ZNF518B: variants seen among roughly 807,000 people sequenced by gnomAD.
ZNF518B encodes the protein zinc finger protein 518B.
ZNF518B carries 23 observed loss-of-function variants against 56.3 expected under a neutral mutation model. The observed-to-expected ratio is 0.41, with a 90% CI of 0.29 to 0.58. ZNF518B has a LOEUF of 0.58. Ranked by LOEUF, ZNF518B falls within the 20% of genes least tolerant of loss-of-function variation. The pLI, the probability that ZNF518B is intolerant of heterozygous loss-of-function variation, is 0.32. For missense variants in ZNF518B, 1,460 were observed against 1,272.1 expected (o/e 1.15, Z -2.25); for synonymous variants, 529 against 465.9 (o/e 1.14, Z -1.74).
chr4:10,444,700 CT>C lies in ZNF518B; in HGVS notation c.1628del (p.Lys543ArgfsTer6), dbSNP rs1169508924. ...CATTTTCACTTACAGGCAATAAGCC[CT>C]TTTCTCCAGAGAAGGAACAGGTTGC... ...SPATCSFSGE[K>X]GLLPVSENDL... On this transcript the variant is annotated frameshift_variant, in exon 3 of 3. Coordinates refer to ENST00000326756, the MANE Select transcript of ZNF518B (RefSeq NM_053042.3). LOFTEE classifies it high-confidence loss of function. 6.2e-7 allele frequency: 1 copy of C among 1,614,008 alleles called. No homozygotes were observed. Among genetic ancestry groups the C allele is most frequent in the Non-Finnish European group, 8.5e-7 (1 of 1,180,016 alleles).
At chr4:10,461,351 C>T (rs1422263059), upstream of ZNF518B, among the ~76,000 whole-genome samples, 1 of 152,208 alleles carries the variant, frequency 6.6e-6, no homozygotes, top group Non-Finnish European at 1.5e-5. Flanking sequence ...CGCGGAAGCG[C>T]GCAGTGAGGC....
At chr4:10,459,721 T>C (rs1157135776), upstream of ZNF518B, among the ~76,000 whole-genome samples, 1 of 151,956 alleles carries the variant, frequency 6.6e-6, no homozygotes, top group African/African-American at 2.4e-5. Context: ...GAGGCCGAGA[T>C]TGGAGTACAC....
rs1034429606 is a variant in ZNF518B at position 10,440,661 on chromosome 4, TA to T, written c.*2442del. The T allele has an allele frequency of 3.5e-4, 53 of 152,390 alleles. No individual in the cohort carries two copies. Among genetic ancestry groups the T allele is most frequent in the African/African-American group, 1.3e-3 (52 of 41,578 alleles). The allele number at this position is 152,390 out of a possible 1,614,324, so 9.4% of individuals were successfully genotyped here. A position where few individuals can be genotyped will look rare whatever the true frequency, so the allele number is the denominator to read the frequency against. On this transcript the variant is annotated 3_prime_UTR_variant, in exon 3 of 3. Coordinates refer to ENST00000326756, the MANE Select transcript of ZNF518B (RefSeq NM_053042.3). The stretch of plus-strand genomic sequence containing the variant: ...TTCTGAAAATCCTAAAAAGCTTTGC[TA>T]CATATTCTACTCACACAATTAAGCT...
intron 2 of ZNF518B, among the ~76,000 whole-genome samples, chr4:10,447,798 C>T (rs1577224006): frequency 6.6e-6 from 1 of 152,048 alleles, no homozygotes; most frequent in East Asian, 1.9e-4. Flanking sequence ...TACAGGTTTG[C>T]ACCACCATGC....
At chr4:10,459,595 T>G (rs978519298), upstream of ZNF518B, among the ~76,000 whole-genome samples, 3 of 152,108 alleles carry the variant, frequency 2.0e-5, no homozygotes, top group Non-Finnish European at 2.9e-5. Context: ...TGGGCCCTTA[T>G]CCAATGTGAA....
rs1250593057 is a variant in ZNF518B, at chr4:10,443,024, T to G, written c.*80A>C. On this transcript the variant is annotated 3_prime_UTR_variant, in exon 3 of 3. Transcript: ENST00000326756. ...GTCCTCTCATTTCTACAGTCTGTAT[T>G]TCTTCTACTGAATCTTGGTGGAGGG... 5.5e-6 allele frequency: 7 copies of G among 1,266,304 alleles called. No homozygotes were observed. Among genetic ancestry groups the G allele is most frequent in the Non-Finnish European group, 7.6e-6 (7 of 916,988 alleles). The allele number at this position is 1,266,304 out of a possible 1,614,324, so 78.4% of individuals were successfully genotyped here.
intron 2 of ZNF518B, among the ~76,000 whole-genome samples, chr4:10,448,536 A>G (rs1453060309): frequency 6.6e-6 from 1 of 152,086 alleles, no homozygotes. Flanking sequence ...TTTGCGAAAG[A>G]TAGTCACCTT....
upstream of ZNF518B, among the ~76,000 whole-genome samples, chr4:10,458,147 C>A (rs1234437778): frequency 6.6e-6 from 1 of 152,000 alleles, no homozygotes; most frequent in Non-Finnish European, 1.5e-5. Flanking sequence ...ATCTACGGTC[C>A]GGAAGGAAGA....
chr4:10,456,213 T>C (rs1201829509), intron 1 of ZNF518B, among the ~76,000 whole-genome samples: 1 of 152,172 alleles, frequency 6.6e-6, no homozygotes, highest in Non-Finnish European at 1.5e-5. Flanking sequence ...TAATGTTACG[T>C]TGATAAATCG....
At chr4:10,447,287 C>T (rs1289721356) in intron 2 of ZNF518B, among the ~76,000 whole-genome samples, 1 of 152,096 alleles carries the variant, frequency 6.6e-6, no homozygotes, top group East Asian at 1.9e-4. Flanking sequence ...GGGAAGACCA[C>T]GGTGATGAGG....
At chr4:10,452,307 GCGATCA>G (rs1210928727) in intron 2 of ZNF518B, 1 of 151,976 alleles carries the variant, frequency 6.6e-6, no homozygotes, top group Non-Finnish European at 1.5e-5. Flanking sequence ...AACTTAAAGG[GCGATCA>G]GGAGATGCAA....
At chr4:10,451,209 G>A (rs1020483957) in intron 2 of ZNF518B, 2 of 152,102 alleles carry the variant, frequency 1.3e-5, no homozygotes, top group Non-Finnish European at 2.9e-5. Context: ...TCGAGTTTGG[G>A]AGAATCCACA....
upstream of ZNF518B, among the ~76,000 whole-genome samples, chr4:10,458,864 A>G (rs1715652384): frequency 6.6e-6 from 1 of 152,108 alleles, no homozygotes; most frequent in South Asian, 2.1e-4. Flanking sequence ...TATTAATTCT[A>G]AGTATTGGAG....
At position 10,441,572 on chromosome 4, in the gene ZNF518B, G is replaced by A. The variant is rs1436077446; in HGVS notation, c.*1532C>T. 6.6e-6 allele frequency: 1 copy of A among 152,634 alleles called. No homozygotes were observed. The highest frequency in any genetic ancestry group is 1.5e-5 in the Non-Finnish European group (1 of 68,050). The allele number at this position is 152,634 out of a possible 1,614,324, so 9.5% of individuals were successfully genotyped here. On this transcript the variant is annotated 3_prime_UTR_variant, in exon 3 of 3. Coordinates refer to ENST00000326756, the MANE Select transcript of ZNF518B (RefSeq NM_053042.3). ...ATCGCCTAAGACAGGAATAGCCCCTGGAGGGAGGGAAATGCAAGTTGGGGC... is the reference window on the plus strand; with the variant it reads ...ATCGCCTAAGACAGGAATAGCCCCTAGAGGGAGGGAAATGCAAGTTGGGGC...
Position 10,446,123 on chromosome 4 carries a change from A to C in ZNF518B, c.206T>G (p.Ile69Ser), listed in dbSNP as rs1427043275. 2 of 1,614,050 alleles carry C rather than the reference A, an allele frequency of 1.2e-6. No homozygotes were observed. Among genetic ancestry groups the C allele is most frequent in the Admixed American group, 3.3e-5 (2 of 59,992 alleles). The stretch of plus-strand genomic sequence containing the variant: ...ACCCTTCTGCAAATCTTGAAGAGAG[A>C]TCTTGTGAACACTTTTGCACTTTGC... ...TCAKCKSVHK[I>S]SLQDLQKGTG... is the part of the protein sequence containing the mutation. The change falls in exon 3 of 3, where the codon ATC becomes AGC. Residue 69 changes from isoleucine (I) to serine (S), a missense_variant. Physicochemically the swap from Ile to Ser is moderately radical, Grantham distance 142. Transcript: ENST00000326756.
In ZNF518B at chr4:10,444,884, T is replaced by C. The variant is rs769884855; in HGVS notation, c.1445A>G (p.Lys482Arg). 2 of 1,613,224 alleles carry C rather than the reference T, an allele frequency of 1.2e-6. No homozygotes were observed. Among genetic ancestry groups the C allele is most frequent in the East Asian group, 2.2e-5 (1 of 44,868 alleles). ...HRTAFPSVAL[K>R]GHSLASVFKN... is the part of the protein sequence containing the mutation. ...AAATACAGATGCTAGAGAATGACCTTTTAAGGCAACGGAAGGAAAAGCAGT... is the reference window on the plus strand; with the variant it reads ...AAATACAGATGCTAGAGAATGACCTCTTAAGGCAACGGAAGGAAAAGCAGT... The change falls in exon 3 of 3, where the codon AAA becomes AGA. Residue 482 changes from lysine (K) to arginine (R), a missense_variant. Transcript: ENST00000326756.
rs780706510 is a variant in ZNF518B at position 10,443,201 on chromosome 4, C to A, written c.3128G>T (p.Arg1043Leu). Residue 1043 changes from arginine to leucine, a missense_variant, in exon 3 of 3, where the codon CGA becomes CTA. Physicochemically the swap from Arg to Leu is moderately radical, Grantham distance 102. Transcript: ENST00000326756. Reference sequence around the variant, plus strand: ...CCACTCTTCCTGGTCTTCATACAGTCGCCCACAAAACCAGCACTTAAATAC... The same window carrying A: ...CCACTCTTCCTGGTCTTCATACAGTAGCCCACAAAACCAGCACTTAAATAC... ...QCVFKCWFCG[R>L]LYEDQEEWMS... The A allele has an allele frequency of 3.7e-6, 6 of 1,614,072 alleles. No homozygotes were observed. Among genetic ancestry groups the A allele is most frequent in the Non-Finnish European group, 5.1e-6 (6 of 1,180,044 alleles).
Position 10,443,677 on chromosome 4 carries a change from A to G in ZNF518B, c.2652T>C (p.Leu884=). The change falls in exon 3 of 3, where the codon CTT becomes CTC. Residue 884 remains leucine (L), a synonymous_variant. Coordinates refer to ENST00000326756, the MANE Select transcript of ZNF518B (RefSeq NM_053042.3). ...GTTTGGTTTTATTTCTACTTATAGA[A>G]AGACTTCTGGAAAGCAGTCTCCCTT... The part of the protein sequence containing the change: ...NKQGRLLSRS[L]SISRNKTKQV... 2 of 1,614,086 alleles carry G rather than the reference A, an allele frequency of 1.2e-6. No individual in the cohort carries two copies. The highest frequency in any genetic ancestry group is 8.5e-7 in the Non-Finnish European group (1 of 1,180,008).
rs376747007 is a variant in ZNF518B, at chr4:10,443,470, C to T, written c.2859G>A (p.Ser953=). The part of the protein sequence containing the change: ...VIVLNHPDVD[S]PEVTNVMKVI... The stretch of plus-strand genomic sequence containing the variant: ...CCTTCATCACATTGGTCACTTCTGG[C>T]GAGTCCACATCAGGGTGGTTTAACA... The change falls in exon 3 of 3, where the codon TCG becomes TCA. Residue 953 remains serine, a synonymous_variant. Transcript: ENST00000326756. 25 of 1,614,064 alleles carry T rather than the reference C, an allele frequency of 1.5e-5. No homozygotes were observed. The highest frequency in any genetic ancestry group is 2.2e-5 in the East Asian group (1 of 44,896).
Sources: allele counts gnomAD v4.1 joint callset (sites outside exome capture counted in the v4.1 genomes callset), GRCh38; gene constraint gnomAD v4.1.1; transcripts MANE v1.5; gene names NCBI Gene and HGNC (gene_info 2026-07-23, HGNC 2026-07-21).